L3MBTL4: variants seen among roughly 807,000 people sequenced by gnomAD.
L3MBTL4 encodes the protein lethal(3)malignant brain tumor-like protein 4.
Under a neutral mutation model 84.5 loss-of-function variants are expected in L3MBTL4, and 70 were observed. The observed-to-expected ratio is 0.83, with a 90% confidence interval of 0.68 to 1.01. The LOEUF (loss-of-function observed/expected upper bound fraction) is 1.01. L3MBTL4 is among the 50% of genes least tolerant of loss of function. L3MBTL4 has a pLI of 0.00. For missense variants in L3MBTL4, 715 were observed against 754.8 expected, an observed-to-expected ratio of 0.95 and a Z score of 0.62; for synonymous variants, 274 against 259.8, an observed-to-expected ratio of 1.05 and a Z score of -0.52.
intron 3 of L3MBTL4, among the ~76,000 whole-genome samples, chr18:6,309,789 C>T (rs2050746444): frequency 6.6e-6 from 1 of 152,136 alleles, no homozygotes; most frequent in African/African-American, 2.4e-5. Flanking sequence ...GTAACAATCT[C>T]AGCAGCTTAA....
intron 1 of L3MBTL4, among the ~76,000 whole-genome samples, chr18:6,334,204 C>G (rs2052204850): frequency 6.6e-6 from 1 of 152,158 alleles, no homozygotes; most frequent in Non-Finnish European, 1.5e-5. Context: ...GACCTAAGAC[C>G]ATTTGAAAAA....
chr18:6,347,528 A>AAATT (rs929656125), intron 1 of L3MBTL4, among the ~76,000 whole-genome samples: 14 of 151,686 alleles, frequency 9.2e-5, no homozygotes, highest in African/African-American at 3.4e-4. Flanking sequence ...CAATATTCTA[A>AAATT]AATTAATTAA....
intron 16 of L3MBTL4, among the ~76,000 whole-genome samples, chr18:5,998,623 G>A (rs1335451692): frequency 6.6e-6 from 1 of 152,194 alleles, no homozygotes; most frequent in East Asian, 1.9e-4. Context: ...ACTGTGTCTG[G>A]CCTTGTCTGA....
At position 6,220,532 on chromosome 18, in the gene L3MBTL4, A is replaced by T. The variant is rs544863985; in HGVS notation, c.785-4697T>A. On this transcript the variant is annotated intron_variant, in intron 10 of 18. Transcript: ENST00000317931. ...ATATAATAGGGAGCCCCCCTCCCAAATGTATGTGCCCTTCCTAACCCCATT... is the reference window on the plus strand; with the variant it reads ...ATATAATAGGGAGCCCCCCTCCCAATTGTATGTGCCCTTCCTAACCCCATT... 5.9e-4 allele frequency among the ~76,000 whole-genome samples: 90 copies of T among 152,174 alleles called. 1 individual carries two copies. In the East Asian group the frequency reaches 0.015, roughly 26 times the overall value.
intron 1 of L3MBTL4, among the ~76,000 whole-genome samples, chr18:6,380,221 G>A (rs996316867): frequency 6.6e-6 from 1 of 151,914 alleles, no homozygotes; most frequent in Non-Finnish European, 1.5e-5. Context: ...TTCTTTATTA[G>A]TCTGGCTAGC....
chr18:6,189,667 G>A (rs1409064506), intron 12 of L3MBTL4, among the ~76,000 whole-genome samples: 1 of 152,006 alleles, frequency 6.6e-6, no homozygotes. Flanking sequence ...TAAAGTTGGA[G>A]AAATTTAACA....
Position 5,974,632 on chromosome 18 carries a change from A to C in L3MBTL4, c.1445-5070T>G, listed in dbSNP as rs113039399. The stretch of plus-strand genomic sequence containing the variant: ...AACGACCAAACAGACTTGCGACACG[A>C]GGCAGAGCACCGTCTGCTTCCCATT... On this transcript the variant is annotated intron_variant, in intron 16 of 18. Transcript: ENST00000317931. Among the ~76,000 whole-genome samples, 1,406 of 152,266 alleles carry C rather than the reference A, an allele frequency of 9.2e-3. 25 individuals are homozygous for C. The highest frequency in any genetic ancestry group is 0.031 in the African/African-American group (1,299 of 41,548).
At chr18:6,357,825 A>G (rs956488013) in intron 1 of L3MBTL4, among the ~76,000 whole-genome samples, 11 of 152,348 alleles carry the variant, frequency 7.2e-5, no homozygotes, top group South Asian at 2.1e-4. Context: ...AGCTATCACA[A>G]TGAAATTACT....
At chr18:6,368,659 AG>A (rs1387981975) in intron 1 of L3MBTL4, among the ~76,000 whole-genome samples, 1 of 152,226 alleles carries the variant, frequency 6.6e-6, no homozygotes, top group Non-Finnish European at 1.5e-5. Context: ...CCTTGACTTT[AG>A]GAGCCTACGA....
At chr18:6,284,872 C>A (rs1291297753) in intron 4 of L3MBTL4, among the ~76,000 whole-genome samples, 2 of 152,210 alleles carry the variant, frequency 1.3e-5, no homozygotes, top group Non-Finnish European at 2.9e-5. Flanking sequence ...AGGGGCCGCC[C>A]AGCGTGGGCA....
chr18:6,240,977 T>G (rs761604523), intron 8 of L3MBTL4, among the ~76,000 whole-genome samples: 8 of 152,210 alleles, frequency 5.3e-5, no homozygotes, highest in South Asian at 2.1e-4. Context: ...TCATTACACT[T>G]AAATATATCT....
At chr18:6,410,196 T>A (rs1343165771) in intron 1 of L3MBTL4, among the ~76,000 whole-genome samples, 1 of 152,216 alleles carries the variant, frequency 6.6e-6, no homozygotes, top group Non-Finnish European at 1.5e-5. Flanking sequence ...GCACCAAGCT[T>A]TTCCCCACAA....
At chr18:5,975,598 T>C (rs527454243) in intron 16 of L3MBTL4, among the ~76,000 whole-genome samples, 4 of 152,388 alleles carry the variant, frequency 2.6e-5, no homozygotes, top group African/African-American at 9.6e-5. Context: ...CTGAACGTGC[T>C]TGAAGCTATC....
intron 12 of L3MBTL4, among the ~76,000 whole-genome samples, chr18:6,203,405 A>ATTCCAAAT (rs1275679309): frequency 1.3e-5 from 2 of 152,166 alleles, no homozygotes; most frequent in Non-Finnish European, 1.5e-5. Context: ...TTATTCCAAA[A>ATTCCAAAT]TTAGGGTGTA....
chr18:5,963,082 C>T (rs2052145292), intron 17 of L3MBTL4, among the ~76,000 whole-genome samples: 1 of 152,150 alleles, frequency 6.6e-6, no homozygotes. Flanking sequence ...AGACAAGGGA[C>T]CAGTAACTAG....
intron 4 of L3MBTL4, among the ~76,000 whole-genome samples, chr18:6,293,467 G>GA (rs919951497): frequency 2.5e-4 from 37 of 149,392 alleles, no homozygotes; most frequent in Admixed American, 6.0e-4. Flanking sequence ...CCAAAATAAT[G>GA]AAAAAAAAGG....
intron 16 of L3MBTL4, among the ~76,000 whole-genome samples, chr18:6,011,511 C>T (rs991923315): frequency 6.6e-6 from 1 of 152,104 alleles, no homozygotes; most frequent in Admixed American, 6.5e-5. Flanking sequence ...TCTGACTGAG[C>T]CCCATCTGAA....
chr18:6,178,939 A>G (rs1021244854), intron 12 of L3MBTL4, among the ~76,000 whole-genome samples: 5 of 152,104 alleles, frequency 3.3e-5, no homozygotes, highest in African/African-American at 1.2e-4. Context: ...CGCTGCTCCC[A>G]TGGCACTTAG....
rs1024081193 is a variant in L3MBTL4 at position 5,996,923 on chromosome 18, C to G, written c.1445-27361G>C. 5.3e-5 allele frequency among the ~76,000 whole-genome samples: 8 copies of G among 152,080 alleles called. No homozygotes were observed. In the South Asian group the frequency reaches 6.2e-4, roughly 12 times the overall value. ...CTCTTAATAGTTTTATTTTCCCTCC[C>G]GATCCAGTTCATTTGGGGATTTAAA... On this transcript the variant is annotated intron_variant, in intron 16 of 18. Transcript: ENST00000317931.
Sources: allele counts gnomAD v4.1 joint callset (sites outside exome capture counted in the v4.1 genomes callset), GRCh38; gene constraint gnomAD v4.1.1; transcripts MANE v1.5; gene names NCBI Gene and HGNC (gene_info 2026-07-23, HGNC 2026-07-21).